ZNF385D: variants seen among roughly 807,000 people sequenced by gnomAD.
The protein encoded by ZNF385D is zinc finger protein 385D, also known as zinc finger protein 659.
In ZNF385D, 15 loss-of-function variants were observed where a neutral mutation model predicts 35.8. The observed-to-expected ratio is 0.42, with a 90% CI of 0.28 to 0.64. The LOEUF (loss-of-function observed/expected upper bound fraction) is 0.64. Ranked by LOEUF, ZNF385D falls within the 30% of genes least tolerant of loss-of-function variation. The pLI, the probability that ZNF385D is intolerant of heterozygous loss-of-function variation, is 0.23. For missense variants in ZNF385D, 474 were observed against 494.6 expected (o/e 0.96, Z 0.39); for synonymous variants, 212 against 186.8 (o/e 1.13, Z -1.10).
chr3:21,696,684 C>G (rs1257805523), intron 1 of ZNF385D, among the ~76,000 whole-genome samples: 1 of 152,200 alleles, frequency 6.6e-6, no homozygotes, highest in Non-Finnish European at 1.5e-5. Context: ...CATTGTCCAT[C>G]AAGCTTCTAC....
chr3:22,217,991 A>T (rs1431974998), intron 2 of ZNF385D, among the ~76,000 whole-genome samples: 1 of 152,144 alleles, frequency 6.6e-6, no homozygotes, highest in Non-Finnish European at 1.5e-5. Context: ...CTATAGGTTA[A>T]CGCTGAAAGG....
intron 3 of ZNF385D, among the ~76,000 whole-genome samples, chr3:22,065,831 T>C (rs529052781): frequency 5.0e-4 from 76 of 152,300 alleles, no homozygotes; most frequent in Admixed American, 3.3e-4. Flanking sequence ...CTTTTTCTTT[T>C]AATCTCTTAT....
chr3:21,428,049 AT>A (rs1372237743), intron 5 of ZNF385D, among the ~76,000 whole-genome samples: 3 of 152,176 alleles, frequency 2.0e-5, no homozygotes, highest in African/African-American at 4.8e-5. Flanking sequence ...GTCAATCATA[AT>A]TCAATAACTA....
At chr3:21,860,357 A>G (rs1486523105) in intron 3 of ZNF385D, among the ~76,000 whole-genome samples, 2 of 152,140 alleles carry the variant, frequency 1.3e-5, no homozygotes, top group Non-Finnish European at 2.9e-5. Flanking sequence ...AAGCAGTCAA[A>G]AAGATTTGGT....
At chr3:22,241,563 C>G (rs1398105997) in intron 2 of ZNF385D, among the ~76,000 whole-genome samples, 1 of 151,148 alleles carries the variant, frequency 6.6e-6, no homozygotes, top group Non-Finnish European at 1.5e-5. Flanking sequence ...CTACTTCAGG[C>G]TTTGGATTTA....
rs183707764 is a variant in ZNF385D at position 22,308,777 on chromosome 3, G to A, written c.106+63673C>T. On this transcript the variant is annotated intron_variant, in intron 2 of 5. Transcript: ENST00000494108. ...AATTAAAGTGGAGATTTTAAACAATGACTTACACTAACATTATCATTCAGA... is the reference window on the plus strand; with the variant it reads ...AATTAAAGTGGAGATTTTAAACAATAACTTACACTAACATTATCATTCAGA... 2.7e-3 allele frequency among the ~76,000 whole-genome samples: 405 copies of A among 152,192 alleles called. 1 individual carries two copies. The Middle Eastern group carries it at 0.027, about 10-fold the overall frequency.
chr3:21,886,032 C>T (rs150209079), intron 3 of ZNF385D, among the ~76,000 whole-genome samples: 2 of 152,230 alleles, frequency 1.3e-5, no homozygotes, highest in East Asian at 3.9e-4. Flanking sequence ...TTCTCAGAAA[C>T]ATCCAGAATA....
chr3:21,496,361 C>T (rs1025153104), intron 4 of ZNF385D, among the ~76,000 whole-genome samples: 1 of 141,534 alleles, frequency 7.1e-6, no homozygotes, highest in African/African-American at 2.6e-5. Flanking sequence ...ATGTATATAT[C>T]ATATATACAC....
intron 3 of ZNF385D, among the ~76,000 whole-genome samples, chr3:21,880,860 AT>A (rs2125863447): frequency 6.6e-6 from 1 of 151,898 alleles, no homozygotes; most frequent in South Asian, 2.1e-4. Context: ...AAACAGCCTT[AT>A]TGCTGATACG....
At chr3:21,484,839 G>C (rs529940786) in intron 4 of ZNF385D, among the ~76,000 whole-genome samples, 1 of 152,238 alleles carries the variant, frequency 6.6e-6, no homozygotes, top group Admixed American at 6.5e-5. Context: ...GACTTGTCTT[G>C]GGACTATTTT....
At chr3:21,911,963 C>T (rs1346151100) in intron 3 of ZNF385D, among the ~76,000 whole-genome samples, 2 of 151,672 alleles carry the variant, frequency 1.3e-5, no homozygotes, top group Non-Finnish European at 2.9e-5. Context: ...GATCTAGTAC[C>T]TTAAAAATGA....
chr3:22,142,034 G>C (rs183576816), intron 3 of ZNF385D, among the ~76,000 whole-genome samples: 1 of 152,302 alleles, frequency 6.6e-6, no homozygotes, highest in African/African-American at 2.4e-5. Flanking sequence ...GCATCATCAG[G>C]TTGACAGTTT....
chr3:21,792,936 A>T (rs1395007538), intron 3 of ZNF385D, among the ~76,000 whole-genome samples: 2 of 152,120 alleles, frequency 1.3e-5, no homozygotes, highest in Non-Finnish European at 2.9e-5. Context: ...CTTTTGTGTA[A>T]ATATGATTAA....
At chr3:21,591,527 T>C (rs1227920349) in intron 2 of ZNF385D, among the ~76,000 whole-genome samples, 1 of 152,178 alleles carries the variant, frequency 6.6e-6, no homozygotes, top group African/African-American at 2.4e-5. Flanking sequence ...AATGTTGTTT[T>C]AAAAGTCAAT....
chr3:21,551,288 G>T (rs192122846), intron 3 of ZNF385D, among the ~76,000 whole-genome samples: 153 of 152,298 alleles, frequency 1.0e-3, no homozygotes, highest in Non-Finnish European at 1.9e-3. Context: ...GTGACCAGAT[G>T]AAGCACAAAC....
intron 1 of ZNF385D, among the ~76,000 whole-genome samples, chr3:21,695,329 C>T (rs947996350): frequency 6.6e-6 from 1 of 152,096 alleles, no homozygotes; most frequent in Non-Finnish European, 1.5e-5. Context: ...AGGTGATTTT[C>T]GAGAGCTGAG....
intron 3 of ZNF385D, among the ~76,000 whole-genome samples, chr3:21,756,387 G>A (rs1005216522): frequency 3.3e-5 from 5 of 152,162 alleles, no homozygotes; most frequent in Non-Finnish European, 7.3e-5. Context: ...AAAACTTTGA[G>A]AGAACTTGCT....
intron 2 of ZNF385D, among the ~76,000 whole-genome samples, chr3:21,587,910 A>G (rs1245646212): frequency 6.6e-6 from 1 of 152,118 alleles, no homozygotes; most frequent in African/African-American, 2.4e-5. Flanking sequence ...ATTATCAGAC[A>G]GGCCAATTTC....
At chr3:22,251,845 C>A (rs1246045205) in intron 2 of ZNF385D, among the ~76,000 whole-genome samples, 1 of 152,090 alleles carries the variant, frequency 6.6e-6, no homozygotes. Flanking sequence ...CTGAGTGTTA[C>A]ATAGACCTGG....
Sources: allele counts gnomAD v4.1 joint callset (sites outside exome capture counted in the v4.1 genomes callset), GRCh38; gene constraint gnomAD v4.1.1; transcripts MANE v1.5; gene names NCBI Gene and HGNC (gene_info 2026-07-23, HGNC 2026-07-21).